Variants in DCC observed in about 807,000 individuals in gnomAD.
DCC encodes DCC netrin 1 receptor.
Under a neutral mutation model 172.5 loss-of-function variants are expected in DCC, and 58 were observed. That is an observed-to-expected ratio of 0.34 (90% CI 0.27 to 0.42). The LOEUF (loss-of-function observed/expected upper bound fraction) is 0.42, where lower values mean the gene tolerates loss of function less well. Ranked by LOEUF, DCC falls within the 10% of genes least tolerant of loss-of-function variation. The probability of loss-of-function intolerance (pLI) is 1.00; values close to 1 mark genes in which losing one functional copy is unlikely to be tolerated. For missense variants in DCC, 1,740 were observed against 1,791.0 expected, an observed-to-expected ratio of 0.97 and a Z score of 0.51; for synonymous variants, 709 against 644.5, an observed-to-expected ratio of 1.10 and a Z score of -1.52.
chr18:52,476,114 G>A (rs1195722435), intron 1 of DCC, among the ~76,000 whole-genome samples: 2 of 152,166 alleles, frequency 1.3e-5, no homozygotes, highest in Non-Finnish European at 2.9e-5. Flanking sequence ...TTTACCTACA[G>A]CACAGGCTCA....
intron 1 of DCC, among the ~76,000 whole-genome samples, chr18:52,523,427 T>G (rs2031105658): frequency 6.6e-6 from 1 of 152,206 alleles, no homozygotes; most frequent in Admixed American, 6.5e-5. Flanking sequence ...ACATCTGTGA[T>G]TCAAAGAAAT....
intron 5 of DCC, among the ~76,000 whole-genome samples, chr18:53,011,954 C>T (rs1057175769): frequency 6.6e-6 from 1 of 151,788 alleles, no homozygotes; most frequent in African/African-American, 2.4e-5. Flanking sequence ...TACTCAGTAT[C>T]GCTAGGCATC....
At chr18:52,367,205 GC>G (rs1984914844) in intron 1 of DCC, among the ~76,000 whole-genome samples, 2 of 150,942 alleles carry the variant, frequency 1.3e-5, no homozygotes, top group Admixed American at 1.3e-4. Flanking sequence ...TGAGTGCGGG[GC>G]CCGCCAAGCC....
intron 13 of DCC, among the ~76,000 whole-genome samples, chr18:53,320,036 A>G (rs1442375732): frequency 1.3e-5 from 2 of 152,072 alleles, no homozygotes. Flanking sequence ...TTTTAAAGAA[A>G]AATGAAGTTA....
intron 5 of DCC, among the ~76,000 whole-genome samples, chr18:52,996,619 A>G (rs1308226967): frequency 1.3e-5 from 2 of 152,086 alleles, no homozygotes; most frequent in Non-Finnish European, 2.9e-5. Flanking sequence ...TGCTATCAGA[A>G]CCATGTATAA....
Position 52,923,822 on chromosome 18 carries a change from T to C in DCC, c.813T>C (p.Phe271=), listed in dbSNP as rs191780029. 2.9e-5 allele frequency: 46 copies of C among 1,613,384 alleles called. No individual in the cohort carries two copies. The East Asian group carries it at 4.0e-4, about 14-fold the overall frequency. Residue 271 remains phenylalanine, a synonymous_variant, in exon 4 of 29, where the codon TTT becomes TTC. Transcript: ENST00000442544. ...TTTCTGGCTATCCTCCACCAAGTTT[T>C]ACCTGGTTACGAGGCGAGGAAGTCA... ...CCVSGYPPPS[F]TWLRGEEVIQ... is the part of the protein sequence containing the mutation.
At chr18:52,604,321 G>A (rs1486738083) in intron 1 of DCC, among the ~76,000 whole-genome samples, 1 of 151,964 alleles carries the variant, frequency 6.6e-6, no homozygotes, top group East Asian at 1.9e-4. Flanking sequence ...CAAGGAACAG[G>A]GAACATCTGA....
At chr18:53,363,923 A>C (rs550135654) in intron 15 of DCC, among the ~76,000 whole-genome samples, 1 of 152,296 alleles carries the variant, frequency 6.6e-6, no homozygotes, top group South Asian at 2.1e-4. Flanking sequence ...TACATACCAG[A>C]GGTGCAAAAA....
At chr18:53,110,378 G>T (rs1342885544) in intron 7 of DCC, among the ~76,000 whole-genome samples, 1 of 151,604 alleles carries the variant, frequency 6.6e-6, no homozygotes, top group Non-Finnish European at 1.5e-5. Context: ...GTAGATTGGA[G>T]GTTAAGCAAA....
chr18:52,451,978 G>C (rs1361480743), intron 1 of DCC, among the ~76,000 whole-genome samples: 1 of 152,126 alleles, frequency 6.6e-6, no homozygotes, highest in African/African-American at 2.4e-5. Context: ...CAGCTCATCT[G>C]TTCACACTGG....
At chr18:53,091,861 A>ATCTATCAATC (rs772452207) in intron 7 of DCC, among the ~76,000 whole-genome samples, 3 of 63,322 alleles carry the variant, frequency 4.7e-5, no homozygotes, top group Non-Finnish European at 6.7e-5. Flanking sequence ...CAATCTATCT[A>ATCTATCAATC]TATATATATA....
At chr18:52,992,993 A>G (rs2041418745) in intron 5 of DCC, among the ~76,000 whole-genome samples, 1 of 152,090 alleles carries the variant, frequency 6.6e-6, no homozygotes, top group Non-Finnish European at 1.5e-5. Context: ...TTAAAAAAAA[A>G]AAAAAAAACA....
At chr18:53,511,408 G>C (rs116205090) in intron 27 of DCC, among the ~76,000 whole-genome samples, 2,773 of 152,324 alleles carry the variant, frequency 0.018, 84 homozygotes, top group African/African-American at 0.062. Context: ...TGCCTTGTTT[G>C]CTTAACAAAT....
At chr18:53,241,383 C>T (rs1424569956) in intron 12 of DCC, among the ~76,000 whole-genome samples, 1 of 152,082 alleles carries the variant, frequency 6.6e-6, no homozygotes, top group Admixed American at 6.6e-5. Flanking sequence ...ACCCATTCTC[C>T]CCAGTCCTGC....
chr18:52,929,859 CA>C (rs1656918438), intron 5 of DCC, among the ~76,000 whole-genome samples: 1 of 127,756 alleles, frequency 7.8e-6, no homozygotes. Context: ...CACACACACA[CA>C]CACTCACGTT....
At chr18:53,306,460 G>A (rs1432127905) in intron 13 of DCC, among the ~76,000 whole-genome samples, 1 of 152,144 alleles carries the variant, frequency 6.6e-6, no homozygotes, top group Admixed American at 6.5e-5. Flanking sequence ...GATAATGGTG[G>A]TACATTATCC....
Position 53,339,894 on chromosome 18 carries a change from C to T in DCC, c.2346C>T (p.Ser782=). 1.2e-6 allele frequency: 2 copies of T among 1,613,284 alleles called. No homozygotes were observed. Among genetic ancestry groups the T allele is most frequent in the Non-Finnish European group, 1.7e-6 (2 of 1,179,578 alleles). The change falls in exon 15 of 29, where the codon TCC becomes TCT. Residue 782 remains serine (S), a synonymous_variant. Transcript: ENST00000442544. The part of the protein sequence containing the change: ...VRVDSKQRYY[S]IERLESSSHY... ...TGGACAGCAAGCAGCGATATTATTC[C>T]ATTGAGAGGTTAGGTGAGTATCTGT...
intron 2 of DCC, among the ~76,000 whole-genome samples, chr18:52,883,937 T>A (rs1349077601): frequency 6.6e-6 from 1 of 151,644 alleles, no homozygotes; most frequent in Admixed American, 6.6e-5. Context: ...TGGGCTTTAT[T>A]TCTCCTTCTT....
At chr18:52,995,247 A>T (rs1247857305) in intron 5 of DCC, among the ~76,000 whole-genome samples, 1 of 152,066 alleles carries the variant, frequency 6.6e-6, no homozygotes, top group Non-Finnish European at 1.5e-5. Flanking sequence ...TACAGCCGAA[A>T]ATTCCTTAGT....
Sources: allele counts gnomAD v4.1 joint callset (sites outside exome capture counted in the v4.1 genomes callset), GRCh38; gene constraint gnomAD v4.1.1; transcripts MANE v1.5; gene names NCBI Gene and HGNC (gene_info 2026-07-23, HGNC 2026-07-21).